Variants in COPS2 observed in about 807,000 individuals in gnomAD.
The protein encoded by COPS2 is COP9 signalosome subunit 2, also known as COP9 signalosome complex subunit 2.
In COPS2, 10 loss-of-function variants were observed where a neutral mutation model predicts 66.1. That is an observed-to-expected ratio of 0.15 (90% confidence interval 0.09 to 0.26). The LOEUF is 0.26. COPS2 is among the 10% of genes least tolerant of loss of function. The probability of loss-of-function intolerance (pLI) is 1.00; values close to 1 mark genes in which losing one functional copy is unlikely to be tolerated. For synonymous variants in COPS2, 179 were observed against 171.3 expected, an observed-to-expected ratio of 1.04 and a Z score of -0.35; for missense variants, 215 against 513.3, an observed-to-expected ratio of 0.42 and a Z score of 5.62.
At chr15:49,143,997 A>T in intron 3 of COPS2, among the ~76,000 whole-genome samples, 1 of 151,420 alleles carries the variant, frequency 6.6e-6, no homozygotes, top group Non-Finnish European at 1.5e-5. Flanking sequence ...AAAGGCAAAT[A>T]CTGTAAATGC....
intron 6 of COPS2, among the ~76,000 whole-genome samples, chr15:49,135,901 G>T (rs2084247408): frequency 6.6e-6 from 1 of 151,994 alleles, no homozygotes. Context: ...TTCTTCAAAG[G>T]GTTTTCTCAA....
chr15:49,136,471 T>TA (rs1374441925), intron 6 of COPS2, among the ~76,000 whole-genome samples: 1 of 152,212 alleles, frequency 6.6e-6, no homozygotes, highest in Non-Finnish European at 1.5e-5. Context: ...TAGCTGGTGC[T>TA]ACCATATTTG....
Position 49,133,961 on chromosome 15 carries a change from T to C in COPS2, c.863A>G (p.Lys288Arg). Residue 288 changes from lysine (K) to arginine (R), a missense_variant, in exon 8 of 13, where the codon AAA becomes AGA. Physicochemically the swap from Lys to Arg is conservative, Grantham distance 26 (BLOSUM62 2). Transcript: ENST00000388901. ...TGAGTCAAATGGATTTATTCCCGAT[T>C]TCATAAGCATATTTGCTAAGACCAA... is the stretch of plus-strand genomic sequence containing the variant. Reference protein sequence around the residue: ...KYLVLANMLMKSGINPFDSQE... With the variant: ...KYLVLANMLMRSGINPFDSQE... 1 of 1,613,066 alleles carries C rather than the reference T, an allele frequency of 6.2e-7. No homozygotes were observed.
chr15:49,155,584 C>G lies in COPS2; in HGVS notation c.-6G>C, dbSNP rs151074018. ...TCATCCTCCATGTCAGACATCTTGG[C>G]CGGGAGGGGGAGGAGAAATTGGAGA... is the stretch of plus-strand genomic sequence containing the variant. On this transcript the variant is annotated 5_prime_UTR_variant, in exon 1 of 13. Transcript: ENST00000388901. The G allele has an allele frequency of 2.4e-5, 39 of 1,614,064 alleles. No homozygotes were observed. The South Asian group carries it at 4.3e-4, about 18-fold the overall frequency.
chr15:49,136,265 A>G (rs1350325935), intron 6 of COPS2, among the ~76,000 whole-genome samples: 2 of 152,238 alleles, frequency 1.3e-5, no homozygotes, highest in Non-Finnish European at 2.9e-5. Context: ...TTCCACATTC[A>G]ATTTAAACTA....
At chr15:49,140,588 A>C (rs2084283926) in intron 3 of COPS2, among the ~76,000 whole-genome samples, 1 of 152,182 alleles carries the variant, frequency 6.6e-6, no homozygotes, top group Non-Finnish European at 1.5e-5. Flanking sequence ...GGAAACAAGA[A>C]AGGTCTAAAA....
chr15:49,142,144 G>A (rs1335239835), intron 3 of COPS2, among the ~76,000 whole-genome samples: 1 of 152,178 alleles, frequency 6.6e-6, no homozygotes, highest in Non-Finnish European at 1.5e-5. Context: ...GAAAGCATGG[G>A]GCTCTGGGCA....
chr15:49,143,568 A>G (rs2084302099), intron 3 of COPS2, among the ~76,000 whole-genome samples: 1 of 152,212 alleles, frequency 6.6e-6, no homozygotes, highest in South Asian at 2.1e-4. Context: ...AGACAATGAG[A>G]AGAGTTAAGC....
At chr15:49,149,282 G>C (rs2084342515) in intron 1 of COPS2, among the ~76,000 whole-genome samples, 1 of 152,074 alleles carries the variant, frequency 6.6e-6, no homozygotes, top group African/African-American at 2.4e-5. Context: ...GGCATAAACT[G>C]CTCTTTTTGC....
rs2084134996 is a variant in COPS2, at chr15:49,122,744, A to G, written c.*5206T>C. 6.6e-6 allele frequency: 1 copy of G among 152,168 alleles called. No individual in the cohort carries two copies. The highest frequency in any genetic ancestry group is 2.4e-5 in the African/African-American group (1 of 41,442). 9.4% of individuals were successfully genotyped at this position (152,168 alleles called of 1,614,324 possible). On this transcript the variant is annotated 3_prime_UTR_variant, in exon 13 of 13. Coordinates refer to ENST00000388901, the MANE Select transcript of COPS2 (RefSeq NM_004236.4). The stretch of plus-strand genomic sequence containing the variant: ...TTAAGAAGTAGATTACGTATTTTTT[A>G]TTACCAATAAGGAATGTGCACTTCC...
intron 6 of COPS2, among the ~76,000 whole-genome samples, chr15:49,135,311 G>C (rs1340789002): frequency 6.6e-6 from 1 of 152,120 alleles, no homozygotes; most frequent in African/African-American, 2.4e-5. Context: ...AACTGCTTTA[G>C]AACCACTTAT....
At chr15:49,144,598 A>G (rs916806899) in intron 2 of COPS2, among the ~76,000 whole-genome samples, 1 of 152,190 alleles carries the variant, frequency 6.6e-6, no homozygotes, top group African/African-American at 2.4e-5. Flanking sequence ...CTATGGTAAA[A>G]ATAATCCGTA....
chr15:49,133,444 T>C (rs2084229242), intron 9 of COPS2, among the ~76,000 whole-genome samples: 1 of 152,248 alleles, frequency 6.6e-6, no homozygotes, highest in Admixed American at 6.5e-5. Context: ...GTATAGGCAG[T>C]ATCATTGTGA....
chr15:49,142,031 C>T (rs1371348649), intron 3 of COPS2, among the ~76,000 whole-genome samples: 1 of 152,180 alleles, frequency 6.6e-6, no homozygotes, highest in Non-Finnish European at 1.5e-5. Flanking sequence ...TCACAAATTT[C>T]TGTCCCTTGA....
intron 1 of COPS2, among the ~76,000 whole-genome samples, chr15:49,149,996 A>C (rs1288347951): frequency 6.6e-6 from 1 of 152,162 alleles, no homozygotes; most frequent in Non-Finnish European, 1.5e-5. Context: ...AAAACAAAAC[A>C]AAACAAAAAA....
At chr15:49,145,384 C>A (rs139179777) in intron 1 of COPS2, among the ~76,000 whole-genome samples, 2 of 152,258 alleles carry the variant, frequency 1.3e-5, no homozygotes, top group Admixed American at 1.3e-4. Flanking sequence ...TGGTTAATGA[C>A]CCCAATTCTG....
rs1336775490 is a variant in COPS2, at chr15:49,155,583, G to A, written c.-5C>T. On this transcript the variant is annotated 5_prime_UTR_variant, in exon 1 of 13. Coordinates refer to ENST00000388901, the MANE Select transcript of COPS2 (RefSeq NM_004236.4). ...ATCATCCTCCATGTCAGACATCTTG[G>A]CCGGGAGGGGGAGGAGAAATTGGAG... 1.9e-6 allele frequency: 3 copies of A among 1,614,030 alleles called. No homozygotes were observed. Among genetic ancestry groups the A allele is most frequent in the Non-Finnish European group, 2.5e-6 (3 of 1,179,912 alleles).
At chr15:49,134,535 C>G in intron 6 of COPS2, 21 bp from the exon 7 acceptor site, 1 of 1,573,540 alleles carries the variant, frequency 6.4e-7, no homozygotes, top group Non-Finnish European at 8.7e-7. Flanking sequence ...AAATATTTAA[C>G]TTTAGACAAG....
chr15:49,148,950 G>A (rs551885152), intron 1 of COPS2, among the ~76,000 whole-genome samples: 2 of 152,146 alleles, frequency 1.3e-5, no homozygotes, highest in Non-Finnish European at 2.9e-5. Context: ...TTGCTAAACT[G>A]AATTAGTTAC....
Sources: gnomAD v4.1 joint callset for allele counts (sites outside exome capture counted in the v4.1 genomes callset) on GRCh38, gnomAD v4.1.1 for gene constraint, MANE v1.5 for transcripts, NCBI Gene and HGNC (gene_info 2026-07-23, HGNC 2026-07-21) for gene names.